ADAMTS13: variants seen among roughly 807,000 people sequenced by gnomAD.
ADAMTS13 encodes the protein A disintegrin and metalloproteinase with thrombospondin motifs 13.
In ADAMTS13, 110 loss-of-function variants were observed where a neutral mutation model predicts 155.1. The ratio of observed to expected loss-of-function variants is 0.71; its 90% CI spans 0.61 to 0.83. The LOEUF (loss-of-function observed/expected upper bound fraction) is 0.83, where lower values mean the gene tolerates loss of function less well. ADAMTS13 is among the 40% of genes least tolerant of loss of function. The probability of loss-of-function intolerance (pLI) is 0.00; values close to 1 mark genes in which losing one functional copy is unlikely to be tolerated. For missense variants in ADAMTS13, 1,707 were observed against 1,891.7 expected (o/e 0.90, Z 1.81); for synonymous variants, 758 against 756.4 (o/e 1.00, Z -0.03).
chr9:133,445,938 G>A lies in ADAMTS13; in HGVS notation c.2731+119G>A. 1 of 1,379,344 alleles carries A rather than the reference G, an allele frequency of 7.2e-7. No homozygotes were observed. The highest frequency in any genetic ancestry group is 9.6e-7 in the Non-Finnish European group (1 of 1,037,228). The allele number at this position is 1,379,344 out of a possible 1,614,324, so 85.4% of individuals were successfully genotyped here. A position where few individuals can be genotyped will look rare whatever the true frequency, so the allele number is the denominator to read the frequency against. On this transcript the variant is annotated intron_variant, in intron 21 of 28. Coordinates refer to ENST00000355699, the MANE Select transcript of ADAMTS13 (RefSeq NM_139027.6). This position sits in a 1 kb window ranked among gnomAD's most constrained non-coding sequence, Gnocchi z 5.0. ...GATTGCAGAAAATCCAGACTATATG[G>A]GAACACGTGGTAATACACAAGGAGA...
chr9:133,445,470 C>T lies in ADAMTS13; in HGVS notation c.2611-229C>T, dbSNP rs935402991. On this transcript the variant is annotated intron_variant, in intron 20 of 28. Transcript: ENST00000355699. This position sits in a 1 kb window ranked among gnomAD's most constrained non-coding sequence, Gnocchi z 5.0. ...TCTTGGTCCCCAGCTCTCGGCCAGG[C>T]CCACAGTGAGCACTCATGCTGCTGA... Among the ~76,000 whole-genome samples the T allele has an allele frequency of 6.6e-6, 1 of 152,154 alleles. No individual in the cohort carries two copies. Among genetic ancestry groups the T allele is most frequent in the Non-Finnish European group, 1.5e-5 (1 of 68,002 alleles).
intron 16 of ADAMTS13, among the ~76,000 whole-genome samples, chr9:133,442,162 T>C (rs587621290): frequency 1.3e-5 from 2 of 152,276 alleles, no homozygotes; most frequent in East Asian, 3.9e-4. Context: ...TTGGCCAGGC[T>C]GGAGTGCTAT....
chr9:133,418,325 G>C (rs1554782230), upstream of ADAMTS13, among the ~76,000 whole-genome samples: 1 of 152,234 alleles, frequency 6.6e-6, no homozygotes, highest in African/African-American at 2.4e-5. Flanking sequence ...AGCCGGGCTA[G>C]GTCGCTCGCC....
intron 7 of ADAMTS13, 132 bp from the exon 8 acceptor site, chr9:133,429,807 C>G: frequency 8.0e-7 from 1 of 1,243,426 alleles, no homozygotes; most frequent in Non-Finnish European, 1.1e-6. Flanking sequence ...GGGCGCGGGC[C>G]GAGAACTCCT....
intron 19 of ADAMTS13, 150 bp from the exon 20 acceptor site, chr9:133,444,713 G>T (rs1399416696): frequency 4.0e-6 from 3 of 758,084 alleles, no homozygotes; most frequent in Non-Finnish European, 6.4e-6. Context: ...TTCAGGGAGA[G>T]ACCCTGAGCT....
At chr9:133,414,966 T>C in intron 1 of ADAMTS13, 3 of 1,605,212 alleles carry the variant, frequency 1.9e-6, no homozygotes, top group Non-Finnish European at 2.5e-6. Flanking sequence ...ATCTGAGAGA[T>C]GACAAGAGGC....
intron 21 of ADAMTS13, among the ~76,000 whole-genome samples, chr9:133,448,190 A>G (rs1412181276): frequency 1.3e-5 from 2 of 151,350 alleles, no homozygotes; most frequent in Non-Finnish European, 2.9e-5. Flanking sequence ...GGGTTTCACC[A>G]TGTTGGTCAG....
chr9:133,415,582 G>A (rs1034469553), intron 1 of ADAMTS13: 26 of 152,998 alleles, frequency 1.7e-4, no homozygotes, highest in African/African-American at 6.3e-4. Context: ...TAGTCTTAGA[G>A]CCCAGCTTCC....
At chr9:133,438,200 C>T (rs1554789666) in intron 13 of ADAMTS13, 46 bp from the exon 14 acceptor site, 2 of 1,613,956 alleles carry the variant, frequency 1.2e-6, no homozygotes, top group Non-Finnish European at 8.5e-7. Context: ...TCATTGAGGC[C>T]AGCACCCTCC....
chr9:133,451,159 A>G (rs1189341916), intron 23 of ADAMTS13, among the ~76,000 whole-genome samples: 1 of 152,248 alleles, frequency 6.6e-6, no homozygotes, highest in Non-Finnish European at 1.5e-5. Context: ...TCTATATCAT[A>G]CAGAAACGTC....
rs781886798 is a variant in ADAMTS13 at position 133,433,650 on chromosome 9, T to TGGG, written c.1258_1260dup (p.Gly420dup). The TGGG allele has an allele frequency of 1.2e-6, 2 of 1,613,922 alleles. No individual in the cohort carries two copies. Among genetic ancestry groups the TGGG allele is most frequent in the Non-Finnish European group, 1.7e-6 (2 of 1,179,970 alleles). On this transcript the variant is annotated inframe_insertion, in exon 11 of 29. Transcript: ENST00000355699. ...TGCTGGGCATTTTCAGACCTGCCTT[T>TGGG]GGGGGGCGTGCATGTGTTGGTGCTG... is the stretch of plus-strand genomic sequence containing the variant.
chr9:133,435,103 T>C (rs1230427567), intron 11 of ADAMTS13, among the ~76,000 whole-genome samples: 2 of 152,242 alleles, frequency 1.3e-5, no homozygotes, highest in African/African-American at 4.8e-5. Context: ...TGTACATGTT[T>C]GAATCCCTGT....
Position 133,456,102 on chromosome 9 carries a change from G to A in ADAMTS13, c.3434G>A (p.Gly1145Glu), listed in dbSNP as rs1842726171. 6.2e-7 allele frequency: 1 copy of A among 1,613,314 alleles called. No homozygotes were observed. The highest frequency in any genetic ancestry group is 1.1e-5 in the South Asian group (1 of 91,086). Residue 1145 changes from glycine (G) to glutamate (E), a missense_variant, in exon 26 of 29, where the codon GGA becomes GAA. By Grantham distance (98) the Gly-to-Glu change is moderately conservative. Coordinates refer to ENST00000355699, the MANE Select transcript of ADAMTS13 (RefSeq NM_139027.6). This position sits in a 1 kb window ranked among gnomAD's most constrained non-coding sequence, Gnocchi z 4.4. Reference sequence around the variant, plus strand: ...GGCAGGCAGCACCTTGAGCCAACAGGAACCATTGACATGCGAGGCCCAGGG... The same window carrying A: ...GGCAGGCAGCACCTTGAGCCAACAGAAACCATTGACATGCGAGGCCCAGGG... Reference protein sequence around the residue: ...ACGRQHLEPTGTIDMRGPGQA... With the variant: ...ACGRQHLEPTETIDMRGPGQA...
In ADAMTS13 at chr9:133,433,508, G is replaced by C; in HGVS notation, c.1223G>C (p.Arg408Thr). 20 of 1,613,568 alleles carry C rather than the reference G, an allele frequency of 1.2e-5. No individual in the cohort carries two copies. Among genetic ancestry groups the C allele is most frequent in the Non-Finnish European group, 1.5e-5 (18 of 1,179,898 alleles). Residue 408 changes from arginine (R) to threonine (T), a missense_variant, in exon 10 of 29, where the codon AGG (arginine) becomes ACG (threonine). This residue lies in a region of ADAMTS13 where 733 missense variants were observed against 749.6 expected (regional missense o/e 0.98). Coordinates refer to ENST00000355699, the MANE Select transcript of ADAMTS13 (RefSeq NM_139027.6). ...RSCGGGVVTR[R>T]RQCNNPRPAF... Reference sequence around the variant, plus strand: ...TGCGGAGGAGGTGTGGTCACCAGGAGGCGGCAGTGCAACAACCCCAGGTAC... The same window carrying C: ...TGCGGAGGAGGTGTGGTCACCAGGACGCGGCAGTGCAACAACCCCAGGTAC...
intron 12 of ADAMTS13, 125 bp downstream of exon 12, chr9:133,437,080 A>C: frequency 1.6e-6 from 2 of 1,285,454 alleles, no homozygotes; most frequent in Non-Finnish European, 1.1e-6. Context: ...AGGCTCTGGC[A>C]TCCCACAGAC....
chr9:133,454,327 G>C, intron 23 of ADAMTS13, 88 bp from the exon 24 acceptor site: 1 of 1,488,184 alleles, frequency 6.7e-7, no homozygotes, highest in Non-Finnish European at 9.3e-7. Flanking sequence ...GCAACTGTCC[G>C]AGTACACGTG....
rs1353366365 is a variant in ADAMTS13, at chr9:133,425,141, A to G, written c.331-388A>G. ...GGAGTTCAAGACCAGCCTGGCCAAC[A>G]TGGTGAAACCCCGTAGCTACTAAAA... On this transcript the variant is annotated intron_variant, in intron 3 of 28. Coordinates refer to ENST00000355699, the MANE Select transcript of ADAMTS13 (RefSeq NM_139027.6). This position sits in a 1 kb window ranked among gnomAD's most constrained non-coding sequence, Gnocchi z 4.6. Among the ~76,000 whole-genome samples, 1 of 152,214 alleles carries G rather than the reference A, an allele frequency of 6.6e-6. No individual in the cohort carries two copies. Among genetic ancestry groups the G allele is most frequent in the Non-Finnish European group, 1.5e-5 (1 of 68,036 alleles).
intron 1 of ADAMTS13, among the ~76,000 whole-genome samples, chr9:133,416,349 T>C (rs587644107): frequency 6.6e-6 from 1 of 152,312 alleles, no homozygotes; most frequent in African/African-American, 2.4e-5. Flanking sequence ...TCTCCACCAC[T>C]GGGGATCACA....
chr9:133,453,969 G>A (rs1588205528), intron 23 of ADAMTS13, among the ~76,000 whole-genome samples: 1 of 152,060 alleles, frequency 6.6e-6, no homozygotes, highest in African/African-American at 2.4e-5. Context: ...TGAAGAATGC[G>A]GGCCATAATT....
Sources: gnomAD v4.1 joint callset for allele counts (sites outside exome capture counted in the v4.1 genomes callset) on GRCh38, gnomAD v4.1.1 for gene constraint, gnomAD v4.1.1 regional missense constraint, Gnocchi (gnomAD v3.1) non-coding constraint, MANE v1.5 for transcripts, NCBI Gene and HGNC (gene_info 2026-07-23, HGNC 2026-07-21) for gene names.